RAB27A: variants seen among roughly 807,000 people sequenced by gnomAD.
The protein encoded by RAB27A is RAB27A, member RAS oncogene family, also known as ras-related protein Rab-27A.
A neutral mutation model predicts 20.8 loss-of-function variants in RAB27A; 17 were observed. The observed-to-expected ratio is 0.82, with a 90% CI of 0.56 to 1.23. The LOEUF (loss-of-function observed/expected upper bound fraction) is 1.23, where lower values mean the gene tolerates loss of function less well. Ranked by LOEUF, RAB27A falls within the 50% of genes most tolerant of loss-of-function variation. The pLI is 0.00. For synonymous variants in RAB27A, 85 were observed against 92.8 expected (o/e 0.92, Z 0.48); for missense variants, 277 against 266.7 (o/e 1.04, Z -0.27).
chr15:55,255,750 C>A (rs532975432), intron 2 of RAB27A, among the ~76,000 whole-genome samples: 2 of 152,142 alleles, frequency 1.3e-5, no homozygotes, highest in African/African-American at 2.4e-5. Flanking sequence ...TCCAACTGCT[C>A]CCTTCAAGAA....
At chr15:55,315,143 A>C (rs899230741) in intron 1 of RAB27A, among the ~76,000 whole-genome samples, 1 of 152,210 alleles carries the variant, frequency 6.6e-6, no homozygotes, top group African/African-American at 2.4e-5. Context: ...CAAACCTGAG[A>C]AAAACAAGCA....
chr15:55,214,246 C>A (rs1006723654), intron 6 of RAB27A, among the ~76,000 whole-genome samples: 6 of 152,182 alleles, frequency 3.9e-5, no homozygotes, highest in Admixed American at 3.9e-4. Context: ...ACCATCCTGG[C>A]TAACATGGTG....
chr15:55,228,836 A>T (rs1176612996), intron 4 of RAB27A, 124 bp from the exon 5 acceptor site: 2 of 730,616 alleles, frequency 2.7e-6, no homozygotes, highest in East Asian at 5.3e-5. Flanking sequence ...GTGATATTTC[A>T]AAAGTATATA....
At chr15:55,260,650 C>T (rs546274964) in intron 2 of RAB27A, among the ~76,000 whole-genome samples, 1 of 152,088 alleles carries the variant, frequency 6.6e-6, no homozygotes, top group African/African-American at 2.4e-5. Flanking sequence ...CATGGAAGAA[C>T]CTTAAATGCA....
chr15:55,208,366 T>G (rs577794594), intron 6 of RAB27A, among the ~76,000 whole-genome samples: 1 of 152,318 alleles, frequency 6.6e-6, no homozygotes, highest in African/African-American at 2.4e-5. Flanking sequence ...AAATTGTGGC[T>G]CAAATTGGCA....
chr15:55,216,863 T>G (rs138322132), intron 6 of RAB27A, among the ~76,000 whole-genome samples: 165 of 152,288 alleles, frequency 1.1e-3, no homozygotes, highest in African/African-American at 3.8e-3. Flanking sequence ...CCAAGCAATC[T>G]TCATGAAATG....
intron 2 of RAB27A, among the ~76,000 whole-genome samples, chr15:55,244,168 G>T (rs1896600109): frequency 6.6e-6 from 1 of 151,990 alleles, no homozygotes; most frequent in Non-Finnish European, 1.5e-5. Flanking sequence ...AATACAAATG[G>T]CTAGGCGTGG....
At chr15:55,222,801 C>T (rs1244314286) in intron 6 of RAB27A, among the ~76,000 whole-genome samples, 3 of 152,184 alleles carry the variant, frequency 2.0e-5, no homozygotes, top group Admixed American at 1.3e-4. Flanking sequence ...TCTCTATTTC[C>T]CTCCCCTCCC....
chr15:55,252,882 C>A (rs1163103375), intron 2 of RAB27A, among the ~76,000 whole-genome samples: 3 of 151,460 alleles, frequency 2.0e-5, no homozygotes, highest in Non-Finnish European at 3.0e-5. Context: ...CACCTGTAAT[C>A]CCAGCACTTT....
chr15:55,287,894 G>A (rs1480536042), intron 1 of RAB27A, among the ~76,000 whole-genome samples: 2 of 152,156 alleles, frequency 1.3e-5, no homozygotes, highest in African/African-American at 2.4e-5. Flanking sequence ...CTAGCCTGAG[G>A]ACAGACATAC....
At chr15:55,285,475 A>G (rs1898127141) in intron 1 of RAB27A, among the ~76,000 whole-genome samples, 1 of 152,176 alleles carries the variant, frequency 6.6e-6, no homozygotes, top group African/African-American at 2.4e-5. Flanking sequence ...AATGCTCTCT[A>G]CTCCACACAC....
At chr15:55,283,325 T>A (rs1898065094) in intron 1 of RAB27A, among the ~76,000 whole-genome samples, 1 of 152,166 alleles carries the variant, frequency 6.6e-6, no homozygotes, top group South Asian at 2.1e-4. Flanking sequence ...ACTGGTGTGA[T>A]ATCACATAGT....
chr15:55,214,962 G>A (rs1392436787), intron 6 of RAB27A, among the ~76,000 whole-genome samples: 1 of 152,052 alleles, frequency 6.6e-6, no homozygotes, highest in Non-Finnish European at 1.5e-5. Flanking sequence ...TTAAAAATCA[G>A]TTAATGTCCA....
chr15:55,269,437 T>G (rs1332969320), intron 2 of RAB27A, among the ~76,000 whole-genome samples: 1 of 152,086 alleles, frequency 6.6e-6, no homozygotes, highest in Non-Finnish European at 1.5e-5. Context: ...ACACTTACAT[T>G]CCTCCATTAA....
chr15:55,220,840 C>A (rs1895536700), intron 6 of RAB27A, among the ~76,000 whole-genome samples: 1 of 152,130 alleles, frequency 6.6e-6, no homozygotes, highest in South Asian at 2.1e-4. Context: ...CCAAATTTTT[C>A]CATCATATTT....
chr15:55,212,807 G>A (rs899885466), intron 6 of RAB27A, among the ~76,000 whole-genome samples: 1 of 152,190 alleles, frequency 6.6e-6, no homozygotes, highest in African/African-American at 2.4e-5. Flanking sequence ...GGGATTACAG[G>A]CATGAGCCAC....
rs569971669 is a variant in RAB27A at position 55,232,468 on chromosome 15, G to A, written c.154-1982C>T. 1.4e-3 allele frequency among the ~76,000 whole-genome samples: 217 copies of A among 152,194 alleles called. 3 individuals carry two copies. In the South Asian group the frequency reaches 0.043, roughly 30 times the overall value. ...AGAAACAGGAAAGTATGGCTCATGC[G>A]CAGGAAAAAAACAACGAATAGAAAT... is the stretch of plus-strand genomic sequence containing the variant. On this transcript the variant is annotated intron_variant, in intron 3 of 6. Coordinates refer to ENST00000336787, the MANE Select transcript of RAB27A (RefSeq NM_183235.3).
intron 1 of RAB27A, among the ~76,000 whole-genome samples, chr15:55,315,950 A>G (rs534597798): frequency 6.6e-6 from 1 of 152,144 alleles, no homozygotes; most frequent in South Asian, 2.1e-4. Context: ...AGACACATGC[A>G]CGGCCAGGCG....
intron 2 of RAB27A, among the ~76,000 whole-genome samples, chr15:55,268,241 T>C (rs1897576223): frequency 6.6e-6 from 1 of 151,862 alleles, no homozygotes; most frequent in Non-Finnish European, 1.5e-5. Context: ...CTTCTGATAA[T>C]GGGGGTTGGG....
Sources: gnomAD v4.1 joint callset for allele counts (sites outside exome capture counted in the v4.1 genomes callset) on GRCh38, gnomAD v4.1.1 for gene constraint, MANE v1.5 for transcripts, NCBI Gene and HGNC (gene_info 2026-07-23, HGNC 2026-07-21) for gene names.